Variants in OSBPL1A observed in about 807,000 individuals in gnomAD.
OSBPL1A encodes the protein oxysterol binding protein like 1A.
A neutral mutation model predicts 137.1 loss-of-function variants in OSBPL1A; 80 were observed. That is an observed-to-expected ratio of 0.58 (90% CI 0.49 to 0.70). OSBPL1A has a LOEUF of 0.70. Among genes scored for constraint, OSBPL1A ranks in the 30% least tolerant of loss-of-function variants. The pLI, the probability that OSBPL1A is intolerant of heterozygous loss-of-function variation, is 0.00. For missense variants in OSBPL1A, 970 were observed against 1,129.4 expected (o/e 0.86, Z 2.02); for synonymous variants, 365 against 389.7 (o/e 0.94, Z 0.75).
intron 1 of OSBPL1A, among the ~76,000 whole-genome samples, chr18:24,389,944 A>AAAAATAAAAT (rs563541918): frequency 6.6e-6 from 1 of 152,270 alleles, no homozygotes; most frequent in East Asian, 1.9e-4. Context: ...TCTGTCTCAA[A>AAAAATAAAAT]AAAATAAAAT....
chr18:24,305,186 AT>A (rs1374905504), intron 13 of OSBPL1A, among the ~76,000 whole-genome samples: 2 of 152,240 alleles, frequency 1.3e-5, no homozygotes, highest in Non-Finnish European at 2.9e-5. Context: ...AATGGCTTCA[AT>A]TGCAGACTAT....
intron 12 of OSBPL1A, among the ~76,000 whole-genome samples, chr18:24,312,586 A>G (rs541969941): frequency 6.6e-6 from 1 of 152,274 alleles, no homozygotes; most frequent in African/African-American, 2.4e-5. Flanking sequence ...CTTTTACTAT[A>G]TTTTTTAAAT....
chr18:24,365,894 C>T (rs1055046123), intron 4 of OSBPL1A, among the ~76,000 whole-genome samples: 4 of 152,148 alleles, frequency 2.6e-5, no homozygotes, highest in African/African-American at 9.7e-5. Context: ...TTCTCCCCAC[C>T]ACCAAGCAAG....
At chr18:24,353,668 C>G (rs2146174901) in intron 4 of OSBPL1A, among the ~76,000 whole-genome samples, 1 of 151,196 alleles carries the variant, frequency 6.6e-6, no homozygotes, top group African/African-American at 2.4e-5. Flanking sequence ...GGAACCAACC[C>G]AAATGTCCAA....
intron 4 of OSBPL1A, among the ~76,000 whole-genome samples, chr18:24,360,672 G>T (rs1427522151): frequency 6.6e-6 from 1 of 152,104 alleles, no homozygotes. Flanking sequence ...TTCTTGGAGG[G>T]GGCCAATGTC....
intron 2 of OSBPL1A, among the ~76,000 whole-genome samples, chr18:24,374,097 A>C (rs1257391672): frequency 1.3e-5 from 2 of 152,204 alleles, no homozygotes; most frequent in Admixed American, 1.3e-4. Context: ...GGTAAAGATA[A>C]AGAGCCAGTC....
At chr18:24,348,644 C>T (rs769918399) in intron 4 of OSBPL1A, among the ~76,000 whole-genome samples, 6 of 151,968 alleles carry the variant, frequency 3.9e-5, no homozygotes, top group South Asian at 2.1e-4. Flanking sequence ...CATGGTGATG[C>T]GCACCTATAA....
At chr18:24,224,281 A>G (rs2087993011) in intron 17 of OSBPL1A, among the ~76,000 whole-genome samples, 1 of 152,206 alleles carries the variant, frequency 6.6e-6, no homozygotes, top group African/African-American at 2.4e-5. Flanking sequence ...TACACAACCT[A>G]CAAATATTAA....
chr18:24,251,112 T>G (rs150054699), intron 15 of OSBPL1A, among the ~76,000 whole-genome samples: 9 of 152,262 alleles, frequency 5.9e-5, no homozygotes, highest in African/African-American at 2.2e-4. Flanking sequence ...TCAGGCAAAT[T>G]TCTAAGGTTT....
intron 15 of OSBPL1A, among the ~76,000 whole-genome samples, chr18:24,242,507 A>G (rs2146014570): frequency 6.6e-6 from 1 of 151,960 alleles, no homozygotes; most frequent in East Asian, 1.9e-4. Context: ...TCCCTCTCCC[A>G]TGCTCCTCCC....
intron 15 of OSBPL1A, among the ~76,000 whole-genome samples, chr18:24,278,743 G>A (rs973233450): frequency 3.1e-4 from 47 of 152,122 alleles, no homozygotes; most frequent in African/African-American, 1.1e-3. Context: ...TGAGTGAAAT[G>A]CGGTTTTACA....
chr18:24,285,429 T>C (rs930811685), intron 14 of OSBPL1A, among the ~76,000 whole-genome samples: 2 of 152,220 alleles, frequency 1.3e-5, no homozygotes, highest in Non-Finnish European at 2.9e-5. Flanking sequence ...TTTTCATTTA[T>C]ATTACTATAG....
intron 24 of OSBPL1A, 80 bp from the exon 25 acceptor site, chr18:24,167,525 T>C: frequency 8.7e-7 from 1 of 1,146,516 alleles, no homozygotes; most frequent in Non-Finnish European, 1.3e-6. Flanking sequence ...ACATTTTCAG[T>C]CAACAACAGA....
intron 18 of OSBPL1A, among the ~76,000 whole-genome samples, chr18:24,183,538 T>C (rs1599451870): frequency 6.6e-6 from 1 of 151,996 alleles, no homozygotes; most frequent in South Asian, 2.1e-4. Context: ...GTTCAAGCGA[T>C]TCTCATGCCT....
chr18:24,211,304 C>A (rs1458945467), intron 17 of OSBPL1A, among the ~76,000 whole-genome samples: 3 of 152,034 alleles, frequency 2.0e-5, no homozygotes, highest in African/African-American at 7.2e-5. Flanking sequence ...CTGTATTTTC[C>A]AAAACAAAAA....
intron 14 of OSBPL1A, chr18:24,301,394 C>T (rs1269882833): frequency 1.3e-5 from 2 of 152,176 alleles, no homozygotes; most frequent in South Asian, 2.1e-4. Context: ...TATAATTTAT[C>T]GATGTGGTCC....
At chr18:24,348,657 C>A (rs2091386812) in intron 4 of OSBPL1A, among the ~76,000 whole-genome samples, 1 of 151,984 alleles carries the variant, frequency 6.6e-6, no homozygotes, top group Non-Finnish European at 1.5e-5. Flanking sequence ...ACCTATAATC[C>A]CAGCTACTTG....
intron 15 of OSBPL1A, among the ~76,000 whole-genome samples, 161 bp downstream of exon 15, chr18:24,280,677 TAATC>T (rs1319523415): frequency 6.6e-6 from 1 of 152,240 alleles, no homozygotes; most frequent in African/African-American, 2.4e-5. Flanking sequence ...TCATCCTGCT[TAATC>T]AATAATAAAT....
At chr18:24,290,345 G>C (rs137994392) in intron 14 of OSBPL1A, among the ~76,000 whole-genome samples, 1 of 152,306 alleles carries the variant, frequency 6.6e-6, no homozygotes, top group African/African-American at 2.4e-5. Context: ...GAAGGTCAAG[G>C]ATAGAGGTGG....
Sources: allele counts gnomAD v4.1 joint callset (sites outside exome capture counted in the v4.1 genomes callset), GRCh38; gene constraint gnomAD v4.1.1; transcripts MANE v1.5; gene names NCBI Gene and HGNC (gene_info 2026-07-23, HGNC 2026-07-21).